Variants in PLEKHA5 observed in about 807,000 individuals in gnomAD.
PLEKHA5 encodes the protein pleckstrin homology domain-containing family A member 5.
A neutral mutation model predicts 181.9 loss-of-function variants in PLEKHA5; 55 were observed. The ratio of observed to expected loss-of-function variants is 0.30; its 90% CI spans 0.24 to 0.38. The LOEUF is 0.38. PLEKHA5 is among the 10% of genes least tolerant of loss of function. The pLI is 1.00. For missense variants in PLEKHA5, 1,432 were observed against 1,549.5 expected (o/e 0.92, Z 1.27); for synonymous variants, 535 against 529.4 (o/e 1.01, Z -0.15).
chr12:19,163,808 C>T (rs1474238211), intron 3 of PLEKHA5, among the ~76,000 whole-genome samples: 1 of 152,076 alleles, frequency 6.6e-6, no homozygotes, highest in Non-Finnish European at 1.5e-5. Flanking sequence ...TTTAAATGGC[C>T]CCTAACCTCC....
intron 16 of PLEKHA5, among the ~76,000 whole-genome samples, chr12:19,317,481 A>G (rs2089282856): frequency 6.6e-6 from 1 of 152,114 alleles, no homozygotes; most frequent in Admixed American, 6.6e-5. Flanking sequence ...TTTGTCCTAA[A>G]AGATGCAATA....
Position 19,358,278 on chromosome 12 carries a change from A to T in PLEKHA5, c.3189A>T (p.Arg1063=). Reference sequence around the variant, plus strand: ...AGCTCTGTTTGGCTGAAAGTACTCGACCAAGGATGACTGTGGAAGAGCAAA... The same window carrying T: ...AGCTCTGTTTGGCTGAAAGTACTCGTCCAAGGATGACTGTGGAAGAGCAAA... ...VEQLCLAEST[R]PRMTVEEQME... Residue 1063 remains arginine (R), a synonymous_variant, in exon 27 of 32, where the codon CGA becomes CGT. Transcript: ENST00000429027. 2 of 1,614,080 alleles carry T rather than the reference A, an allele frequency of 1.2e-6. No homozygotes were observed. The highest frequency in any genetic ancestry group is 2.2e-5 in the South Asian group (2 of 91,086).
Position 19,257,536 on chromosome 12 carries a change from A to G in PLEKHA5, c.536A>G (p.Gln179Arg). 6.6e-7 allele frequency: 1 copy of G among 1,517,106 alleles called. No homozygotes were observed. The highest frequency in any genetic ancestry group is 1.5e-5 in the African/African-American group (1 of 65,568). 94.0% of individuals were successfully genotyped at this position (1,517,106 alleles called of 1,614,324 possible). A position where few individuals can be genotyped will look rare whatever the true frequency, so the allele number is the denominator to read the frequency against. Residue 179 changes from glutamine to arginine, a missense_variant and splice_region_variant, in exon 6 of 32, where the codon CAG (glutamine) becomes CGG (arginine). Around this residue, in one of 2 missense-constraint regions of PLEKHA5, gnomAD observed 289 missense variants for 381.1 expected, o/e 0.76. Transcript: ENST00000429027. ...PVVRRGWLYK[Q>R]DSTGMKLWKK... ...GTCAGACGAGGTTGGCTTTATAAAC[A>G]GGTATTTTTTTTTTTTTGATATGAA...
At chr12:19,244,855 G>A (rs1158614171) in intron 3 of PLEKHA5, among the ~76,000 whole-genome samples, 1 of 152,130 alleles carries the variant, frequency 6.6e-6, no homozygotes, top group Non-Finnish European at 1.5e-5. Context: ...AGTATTGGCT[G>A]TTATTGGCAA....
chr12:19,158,332 G>GA (rs1351456732), intron 3 of PLEKHA5, among the ~76,000 whole-genome samples: 1 of 151,798 alleles, frequency 6.6e-6, no homozygotes, highest in Admixed American at 6.6e-5. Context: ...CAGCCTGGGC[G>GA]ACAGAGTGAG....
At chr12:19,200,284 T>G in intron 3 of PLEKHA5, 3 of 1,450,534 alleles carry the variant, frequency 2.1e-6, no homozygotes, top group Non-Finnish European at 2.8e-6. Context: ...AAAAAAAAAT[T>G]TAAACATTAA....
intron 3 of PLEKHA5, among the ~76,000 whole-genome samples, chr12:19,132,914 C>T (rs1478497493): frequency 8.0e-5 from 9 of 112,626 alleles, no homozygotes; most frequent in Non-Finnish European, 1.2e-4. Context: ...ATCTGAGTTA[C>T]GTGAACATCT....
intron 3 of PLEKHA5, among the ~76,000 whole-genome samples, chr12:19,165,252 G>A (rs373298960): frequency 6.6e-6 from 1 of 152,228 alleles, no homozygotes; most frequent in African/African-American, 2.4e-5. Flanking sequence ...TGGTTTTCCT[G>A]TTTAGTAGTC....
chr12:19,129,924 G>C, intron 1 of PLEKHA5, 36 bp downstream of exon 1: 1 of 1,566,464 alleles, frequency 6.4e-7, no homozygotes, highest in Non-Finnish European at 8.7e-7. Flanking sequence ...GCCCGCGGGG[G>C]CGGGAGGGCA....
chr12:19,139,426 C>G (rs2036649879), intron 3 of PLEKHA5, among the ~76,000 whole-genome samples: 1 of 152,098 alleles, frequency 6.6e-6, no homozygotes, highest in African/African-American at 2.4e-5. Flanking sequence ...CAACCCACTC[C>G]CCTATCCTAT....
chr12:19,136,104 T>C (rs577608564), intron 3 of PLEKHA5, among the ~76,000 whole-genome samples: 1 of 152,230 alleles, frequency 6.6e-6, no homozygotes, highest in Non-Finnish European at 1.5e-5. Flanking sequence ...CAGCCTGATC[T>C]TGAACTCCTA....
chr12:19,330,363 C>T (rs138368301), intron 20 of PLEKHA5, among the ~76,000 whole-genome samples: 1 of 152,048 alleles, frequency 6.6e-6, no homozygotes, highest in Non-Finnish European at 1.5e-5. Flanking sequence ...TTGAGCCTCA[C>T]TTTATACAGT....
At position 19,283,509 on chromosome 12, in the gene PLEKHA5, C is replaced by T. The variant is rs1037502292; in HGVS notation, c.1543C>T (p.Arg515Cys). The T allele has an allele frequency of 6.2e-6, 10 of 1,613,926 alleles. No individual in the cohort carries two copies. The highest frequency in any genetic ancestry group is 1.7e-5 in the Admixed American group (1 of 60,006). The change falls in exon 12 of 32, where the codon CGT becomes TGT. Residue 515 changes from arginine to cysteine, a missense_variant. By Grantham distance (180) the Arg-to-Cys change is radical (BLOSUM62 -3). Coordinates refer to ENST00000429027, the MANE Select transcript of PLEKHA5 (RefSeq NM_001256470.2). ...GTGGCAGCTCTACGAATGGCAGCAGCGTCAGTTTTATAACAAACAGAGCAC... is the reference window on the plus strand; with the variant it reads ...GTGGCAGCTCTACGAATGGCAGCAGTGTCAGTTTTATAACAAACAGAGCAC... ...TMWQLYEWQQ[R>C]QFYNKQSTLP... is the part of the protein sequence containing the mutation.
intron 16 of PLEKHA5, among the ~76,000 whole-genome samples, chr12:19,316,069 C>T (rs900343151): frequency 9.3e-5 from 14 of 151,328 alleles, no homozygotes; most frequent in African/African-American, 3.4e-4. Flanking sequence ...TACTCTATTC[C>T]AAAGTACCAC....
At chr12:19,156,212 T>TTG (rs2041664495) in intron 3 of PLEKHA5, among the ~76,000 whole-genome samples, 2 of 30,798 alleles carry the variant, frequency 6.5e-5, no homozygotes, top group East Asian at 8.6e-4. Flanking sequence ...TTTCCTTTTT[T>TTG]TGTTTTTTTT....
chr12:19,203,569 A>G (rs974062495), intron 3 of PLEKHA5, among the ~76,000 whole-genome samples: 4 of 151,926 alleles, frequency 2.6e-5, no homozygotes, highest in African/African-American at 7.3e-5. Flanking sequence ...TCACCTGGGC[A>G]TTTCAGAAAG....
At chr12:19,272,071 A>T (rs561401376) in intron 10 of PLEKHA5, among the ~76,000 whole-genome samples, 3 of 152,114 alleles carry the variant, frequency 2.0e-5, no homozygotes, top group Admixed American at 2.0e-4. Context: ...CCAGTTTTTA[A>T]CTTGAGAGTT....
chr12:19,158,493 C>T (rs2042281411), intron 3 of PLEKHA5, among the ~76,000 whole-genome samples: 2 of 152,134 alleles, frequency 1.3e-5, no homozygotes, highest in South Asian at 4.2e-4. Context: ...TCAGTACATT[C>T]CGTGGATGTC....
rs1240951959 is a variant in PLEKHA5, at chr12:19,343,358, G to T, written c.2586G>T (p.Gln862His). ...ESAGIQRAQI[Q>H]KELWRIQDVM... is the part of the protein sequence containing the mutation. ...CAGGAATTCAGCGTGCACAGATTCAGAAAGAACTTTGGCGAATTCAGGATG... is the reference window on the plus strand; with the variant it reads ...CAGGAATTCAGCGTGCACAGATTCATAAAGAACTTTGGCGAATTCAGGATG... Residue 862 changes from glutamine (Q) to histidine (H), a missense_variant, in exon 22 of 32, where the codon CAG (glutamine) becomes CAT (histidine). Physicochemically the swap from Gln to His is conservative, Grantham distance 24 (BLOSUM62 0). This residue lies in a region of PLEKHA5 where 1,143 missense variants were observed against 1,168.4 expected (regional missense o/e 0.98). Coordinates refer to ENST00000429027, the MANE Select transcript of PLEKHA5 (RefSeq NM_001256470.2). 1 of 1,613,828 alleles carries T rather than the reference G, an allele frequency of 6.2e-7. No homozygotes were observed. Among genetic ancestry groups the T allele is most frequent in the East Asian group, 2.2e-5 (1 of 44,866 alleles).
Sources: allele counts gnomAD v4.1 joint callset (sites outside exome capture counted in the v4.1 genomes callset), GRCh38; gene constraint gnomAD v4.1.1; regional missense constraint gnomAD v4.1.1; transcripts MANE v1.5; gene names NCBI Gene and HGNC (gene_info 2026-07-23, HGNC 2026-07-21).